Variants in KSR2 observed in about 807,000 individuals in gnomAD.
The protein encoded by KSR2 is kinase suppressor of ras 2.
A neutral mutation model predicts 107.8 loss-of-function variants in KSR2; 25 were observed. The observed-to-expected ratio is 0.23, with a 90% CI of 0.17 to 0.32. KSR2 has a LOEUF of 0.32. KSR2 is among the 10% of genes least tolerant of loss of function. The probability of loss-of-function intolerance (pLI) is 1.00; values close to 1 mark genes in which losing one functional copy is unlikely to be tolerated. For synonymous variants in KSR2, 480 were observed against 507.0 expected (o/e 0.95, Z 0.71); for missense variants, 887 against 1,268.9 (o/e 0.70, Z 4.57).
rs532437142 is a variant in KSR2 at position 117,923,800 on chromosome 12, CAG to C, written c.180+44274_180+44275del. 2.9e-3 allele frequency among the ~76,000 whole-genome samples: 445 copies of C among 151,504 alleles called. 3 individuals are homozygous for C. Among genetic ancestry groups the C allele is most frequent in the African/African-American group, 0.01 (427 of 41,272 alleles). ...ACAAACAACTAAGTAAAGAAGAAAA[CAG>C]GGGTGTGCTGCTTTATTCAGTATTT... On this transcript the variant is annotated intron_variant, in intron 1 of 19. Transcript: ENST00000339824.
Position 117,968,888 on chromosome 12 carries a change from C to T in KSR2, c.-633G>A. 4.0e-6 allele frequency: 1 copy of T among 250,666 alleles called. No individual in the cohort carries two copies. The highest frequency in any genetic ancestry group is 7.9e-6 in the Non-Finnish European group (1 of 126,418). The allele number at this position is 250,666 out of a possible 1,614,324, so 15.5% of individuals were successfully genotyped here. A position where few individuals can be genotyped will look rare whatever the true frequency, so the allele number is the denominator to read the frequency against. ...ACTGCGGCTGGCTGCTGTCTCCTCC[C>T]CGCGCTGCTGCTGCTGCTGCTGCTG... is the stretch of plus-strand genomic sequence containing the variant. On this transcript the variant is annotated 5_prime_UTR_variant, in exon 1 of 20. Transcript: ENST00000339824.
Position 117,731,225 on chromosome 12 carries a change from C to A in KSR2, c.986+29786G>T, listed in dbSNP as rs1033644978. ...ACCCCGTCTGGGAGGTGAGGAGTGTCTCTGCCCAGCCGCCCCGTCTGGGAA... is the reference window on the plus strand; with the variant it reads ...ACCCCGTCTGGGAGGTGAGGAGTGTATCTGCCCAGCCGCCCCGTCTGGGAA... On this transcript the variant is annotated intron_variant, in intron 4 of 19. Transcript: ENST00000339824. Among the ~76,000 whole-genome samples the A allele has an allele frequency of 2.8e-5, 4 of 144,360 alleles. 1 individual carries two copies. The highest frequency in any genetic ancestry group is 1.0e-4 in the African/African-American group (4 of 38,596). 94.7% of individuals were successfully genotyped at this position (144,360 alleles called of 152,430 possible).
chr12:117,674,547 T>C (rs1885045904), intron 4 of KSR2, among the ~76,000 whole-genome samples: 1 of 152,180 alleles, frequency 6.6e-6, no homozygotes, highest in Non-Finnish European at 1.5e-5. Flanking sequence ...CCAATCAGCT[T>C]TCTCGCTCTA....
At chr12:117,726,082 C>T (rs1426359812) in intron 4 of KSR2, among the ~76,000 whole-genome samples, 1 of 152,060 alleles carries the variant, frequency 6.6e-6, no homozygotes, top group Non-Finnish European at 1.5e-5. Context: ...GCAGGAGAAT[C>T]GCTTGAACCT....
chr12:117,562,414 G>A (rs1006437276), intron 7 of KSR2, among the ~76,000 whole-genome samples: 4 of 152,102 alleles, frequency 2.6e-5, no homozygotes, highest in Non-Finnish European at 4.4e-5. Context: ...GATGTCAAAG[G>A]GGAGTCAGTC....
At chr12:117,863,127 C>T (rs1195239192) in intron 1 of KSR2, among the ~76,000 whole-genome samples, 1 of 152,136 alleles carries the variant, frequency 6.6e-6, no homozygotes, top group African/African-American at 2.4e-5. Context: ...AGGCTGTTCC[C>T]ATTGTATCAC....
chr12:117,730,797 C>CGCTCACT (rs1418991583), intron 4 of KSR2, among the ~76,000 whole-genome samples: 4 of 152,114 alleles, frequency 2.6e-5, no homozygotes, highest in Non-Finnish European at 2.9e-5. Context: ...GACGGAGTCT[C>CGCTCACT]GCTCACTCAG....
intron 5 of KSR2, among the ~76,000 whole-genome samples, chr12:117,662,462 C>T (rs1379507244): frequency 1.3e-5 from 2 of 152,182 alleles, no homozygotes; most frequent in Non-Finnish European, 2.9e-5. Flanking sequence ...CTCGACAAAC[C>T]AGGCTTCTGA....
chr12:117,627,355 T>G (rs1017417708), intron 5 of KSR2, among the ~76,000 whole-genome samples: 2 of 152,234 alleles, frequency 1.3e-5, no homozygotes, highest in Admixed American at 6.5e-5. Flanking sequence ...CTTCTTTCCA[T>G]GTTTAGTGCT....
chr12:117,855,328 G>A, intron 3 of KSR2, 100 bp downstream of exon 3: 1 of 1,513,720 alleles, frequency 6.6e-7, no homozygotes. Flanking sequence ...GGTTGACTCT[G>A]TCTCGTCCTG....
intron 2 of KSR2, among the ~76,000 whole-genome samples, chr12:117,859,138 AC>A (rs1160258803): frequency 1.5e-4 from 20 of 132,002 alleles, no homozygotes; most frequent in African/African-American, 5.8e-4. Flanking sequence ...TATGAGCTGA[AC>A]TTTTTTTTTT....
intron 5 of KSR2, among the ~76,000 whole-genome samples, chr12:117,629,479 C>A (rs76552003): frequency 0.11 from 16,345 of 152,124 alleles, 2,099 homozygotes; most frequent in African/African-American, 0.31. Context: ...TGAAACCAAA[C>A]GGGAGAAAAG....
chr12:117,762,749 C>T (rs1189609520), intron 3 of KSR2, among the ~76,000 whole-genome samples: 1 of 151,960 alleles, frequency 6.6e-6, no homozygotes, highest in East Asian at 1.9e-4. Flanking sequence ...TGCCTGTAAT[C>T]CCAGCTACTC....
intron 4 of KSR2, among the ~76,000 whole-genome samples, chr12:117,752,394 G>C (rs1045678131): frequency 1.3e-5 from 2 of 152,174 alleles, no homozygotes; most frequent in Non-Finnish European, 2.9e-5. Context: ...TTGTGAAAAG[G>C]TCATAAATGG....
Position 117,458,251 on chromosome 12 carries a change from T to C in KSR2, c.*8948A>G, listed in dbSNP as rs1257925987. ...GGACACAAAGACCTCTCTTCTACCT[T>C]GTTCATCCTGTCGCCCACCACTCAG... On this transcript the variant is annotated 3_prime_UTR_variant, in exon 20 of 20. Transcript: ENST00000339824. The C allele has an allele frequency of 6.6e-6, 1 of 152,194 alleles. No homozygotes were observed. Among genetic ancestry groups the C allele is most frequent in the Non-Finnish European group, 1.5e-5 (1 of 68,030 alleles). The allele number at this position is 152,194 out of a possible 1,614,324, so 9.4% of individuals were successfully genotyped here. A position where few individuals can be genotyped will look rare whatever the true frequency, so the allele number is the denominator to read the frequency against.
intron 4 of KSR2, among the ~76,000 whole-genome samples, chr12:117,759,298 A>G (rs1888911758): frequency 6.6e-6 from 1 of 152,190 alleles, no homozygotes; most frequent in South Asian, 2.1e-4. Flanking sequence ...TTATTGGAAC[A>G]CTGCCATGCC....
rs1870675555 is a variant in KSR2, at chr12:117,457,398, T to G, written c.*9801A>C. On this transcript the variant is annotated 3_prime_UTR_variant, in exon 20 of 20. Transcript: ENST00000339824. ...ATGGTTTTGGATGTCACACTTTGGATGTCAACTGGAGGCTTTTGAAATCCA... is the reference window on the plus strand; with the variant it reads ...ATGGTTTTGGATGTCACACTTTGGAGGTCAACTGGAGGCTTTTGAAATCCA... 6.6e-6 allele frequency: 1 copy of G among 152,156 alleles called. No individual in the cohort carries two copies. Among genetic ancestry groups the G allele is most frequent in the East Asian group, 1.9e-4 (1 of 5,190 alleles). 9.4% of individuals were successfully genotyped at this position (152,156 alleles called of 1,614,324 possible).
intron 3 of KSR2, among the ~76,000 whole-genome samples, chr12:117,770,130 G>A (rs529673579): frequency 6.6e-5 from 10 of 152,124 alleles, no homozygotes; most frequent in Non-Finnish European, 1.3e-4. Context: ...GAAAGCTCAG[G>A]GTTATCAGAA....
intron 14 of KSR2, among the ~76,000 whole-genome samples, chr12:117,493,119 C>T (rs1872834638): frequency 6.6e-6 from 1 of 152,126 alleles, no homozygotes; most frequent in African/African-American, 2.4e-5. Flanking sequence ...AGCGCTTCAT[C>T]CAGTGTCCAG....
Sources: gnomAD v4.1 joint callset for allele counts (sites outside exome capture counted in the v4.1 genomes callset) on GRCh38, gnomAD v4.1.1 for gene constraint, MANE v1.5 for transcripts, NCBI Gene and HGNC (gene_info 2026-07-23, HGNC 2026-07-21) for gene names.